Variants in KSR2 observed in about 807,000 individuals in gnomAD.
The protein encoded by KSR2 is kinase suppressor of ras 2.
KSR2 carries 25 observed loss-of-function variants against 107.8 expected under a neutral mutation model. That is an observed-to-expected ratio of 0.23 (90% CI 0.17 to 0.32). The LOEUF is 0.32. KSR2 is among the 10% of genes least tolerant of loss of function. KSR2 has a pLI of 1.00. For synonymous variants in KSR2, 480 were observed against 507.0 expected (o/e 0.95, Z 0.71); for missense variants, 887 against 1,268.9 (o/e 0.70, Z 4.57).
intron 4 of KSR2, among the ~76,000 whole-genome samples, chr12:117,707,295 G>A (rs1886565626): frequency 6.6e-6 from 1 of 152,074 alleles, no homozygotes; most frequent in Non-Finnish European, 1.5e-5. Flanking sequence ...TTTCTTTTCG[G>A]GGTGATAAAA....
At chr12:117,681,406 C>A (rs1306700791) in intron 4 of KSR2, among the ~76,000 whole-genome samples, 2 of 152,058 alleles carry the variant, frequency 1.3e-5, no homozygotes, top group African/African-American at 4.8e-5. Context: ...AAGGAGAAGC[C>A]AGATTTGAAA....
intron 1 of KSR2, among the ~76,000 whole-genome samples, chr12:117,934,836 T>G (rs1360656068): frequency 6.6e-6 from 1 of 152,124 alleles, no homozygotes; most frequent in African/African-American, 2.4e-5. Context: ...TTAAATTTTT[T>G]TCTTTTTGAG....
chr12:117,652,969 G>A (rs965473002), intron 5 of KSR2, among the ~76,000 whole-genome samples: 3 of 152,336 alleles, frequency 2.0e-5, no homozygotes, highest in Admixed American at 6.5e-5. Context: ...GTAGGATGAG[G>A]ACTATTTTAG....
At chr12:117,515,863 T>C (rs1012216958) in intron 14 of KSR2, among the ~76,000 whole-genome samples, 3 of 152,218 alleles carry the variant, frequency 2.0e-5, no homozygotes, top group Admixed American at 1.3e-4. Flanking sequence ...GAGGCGCAGG[T>C]TGCAGTGAAC....
intron 5 of KSR2, among the ~76,000 whole-genome samples, chr12:117,603,624 T>A (rs967905223): frequency 1.3e-5 from 2 of 152,156 alleles, no homozygotes; most frequent in African/African-American, 4.8e-5. Flanking sequence ...TGGGATGAAA[T>A]AGAAGTTTAG....
chr12:117,636,128 G>T (rs866416245), intron 5 of KSR2, among the ~76,000 whole-genome samples: 2 of 151,838 alleles, frequency 1.3e-5, no homozygotes, highest in African/African-American at 4.8e-5. Flanking sequence ...ACTTTATTTG[G>T]ATTTTACTCA....
At chr12:117,589,233 T>C (rs1880178843) in intron 5 of KSR2, among the ~76,000 whole-genome samples, 1 of 152,192 alleles carries the variant, frequency 6.6e-6, no homozygotes, top group Non-Finnish European at 1.5e-5. Context: ...CGCTAAACCC[T>C]GTTGGATAAA....
At chr12:117,764,375 T>C (rs1017820704) in intron 3 of KSR2, among the ~76,000 whole-genome samples, 2 of 152,192 alleles carry the variant, frequency 1.3e-5, no homozygotes, top group Non-Finnish European at 2.9e-5. Context: ...AAGGGTCATT[T>C]TGATTTCCAT....
chr12:117,584,129 A>T (rs1879856238), intron 5 of KSR2, among the ~76,000 whole-genome samples: 1 of 152,204 alleles, frequency 6.6e-6, no homozygotes, highest in Non-Finnish European at 1.5e-5. Context: ...GGGCAGAGAA[A>T]ACCTAAGAGG....
chr12:117,635,146 C>G (rs1023854225), intron 5 of KSR2, among the ~76,000 whole-genome samples: 3 of 152,182 alleles, frequency 2.0e-5, no homozygotes, highest in Non-Finnish European at 4.4e-5. Context: ...CAGAAGGAAG[C>G]AAGTCTCCTG....
At chr12:117,548,450 A>T (rs1877047180) in intron 9 of KSR2, among the ~76,000 whole-genome samples, 1 of 152,194 alleles carries the variant, frequency 6.6e-6, no homozygotes, top group Non-Finnish European at 1.5e-5. Context: ...TTTTCTTAAT[A>T]ACATTTTCTT....
At chr12:117,625,916 C>T (rs4570668) in intron 5 of KSR2, among the ~76,000 whole-genome samples, 136,474 of 152,210 alleles carry the variant, frequency 0.9, 61,351 homozygotes, top group East Asian at 0.99. Flanking sequence ...CAATTTCTTC[C>T]TGGTTTAGAC....
At chr12:117,660,285 A>C (rs1306096613) in intron 5 of KSR2, among the ~76,000 whole-genome samples, 2 of 152,136 alleles carry the variant, frequency 1.3e-5, no homozygotes, top group Non-Finnish European at 2.9e-5. Context: ...TTATTCTCTC[A>C]CTGTTCTAGA....
At chr12:117,717,616 T>C (rs914722398) in intron 4 of KSR2, among the ~76,000 whole-genome samples, 1 of 152,058 alleles carries the variant, frequency 6.6e-6, no homozygotes, top group Non-Finnish European at 1.5e-5. Context: ...ATGACATCTG[T>C]TACTTTAGTC....
chr12:117,777,088 T>A (rs151040682), intron 3 of KSR2, among the ~76,000 whole-genome samples: 5,636 of 132,528 alleles, frequency 0.043, 161 homozygotes, highest in East Asian at 0.093. Context: ...TATATATATT[T>A]TATATATATA....
At chr12:117,921,625 T>C (rs1895350210) in intron 1 of KSR2, among the ~76,000 whole-genome samples, 1 of 152,194 alleles carries the variant, frequency 6.6e-6, no homozygotes, top group South Asian at 2.1e-4. Context: ...CGTCTCTGAA[T>C]GTCAGCTTCC....
intron 6 of KSR2, among the ~76,000 whole-genome samples, chr12:117,579,559 T>G (rs773354199): frequency 2.0e-5 from 3 of 152,206 alleles, no homozygotes; most frequent in Admixed American, 6.5e-5. Context: ...AAATATTGCC[T>G]GGTGGCCTAC....
chr12:117,496,630 A>T (rs760296598), intron 14 of KSR2, among the ~76,000 whole-genome samples: 2 of 152,160 alleles, frequency 1.3e-5, no homozygotes, highest in Non-Finnish European at 2.9e-5. Flanking sequence ...ACCTTCTATC[A>T]TTGCCAGATG....
intron 7 of KSR2, among the ~76,000 whole-genome samples, chr12:117,573,865 A>C (rs1879070291): frequency 6.6e-6 from 1 of 152,050 alleles, no homozygotes; most frequent in Admixed American, 6.6e-5. Flanking sequence ...CATCACACCA[A>C]TATTTACTGG....
Sources: allele counts gnomAD v4.1 joint callset (sites outside exome capture counted in the v4.1 genomes callset), GRCh38; gene constraint gnomAD v4.1.1; transcripts MANE v1.5; gene names NCBI Gene and HGNC (gene_info 2026-07-23, HGNC 2026-07-21).